Variants in PPP2R3C observed in about 807,000 individuals in gnomAD.
PPP2R3C encodes serine/threonine-protein phosphatase 2A regulatory subunit B'' subunit gamma.
A neutral mutation model predicts 63.7 loss-of-function variants in PPP2R3C; 47 were observed. That is an observed-to-expected ratio of 0.74 (90% CI 0.58 to 0.94). The LOEUF (loss-of-function observed/expected upper bound fraction) is 0.94, where lower values mean the gene tolerates loss of function less well. PPP2R3C is among the 40% of genes least tolerant of loss of function. The pLI is 0.00. For synonymous variants in PPP2R3C, 180 were observed against 177.4 expected, an observed-to-expected ratio of 1.01 and a Z score of -0.12; for missense variants, 421 against 518.4, an observed-to-expected ratio of 0.81 and a Z score of 1.82.
intron 6 of PPP2R3C, chr14:35,100,542 G>C (rs1163712861): frequency 6.6e-6 from 1 of 152,190 alleles, no homozygotes; most frequent in African/African-American, 2.4e-5. Flanking sequence ...GAGCGAAACA[G>C]CAACATTTGT....
intron 6 of PPP2R3C, among the ~76,000 whole-genome samples, chr14:35,104,106 T>C (rs187412387): frequency 8.5e-5 from 13 of 152,334 alleles, no homozygotes; most frequent in African/African-American, 3.1e-4. Context: ...TAAATCAATA[T>C]TGCTGTTTTT....
chr14:35,104,759 C>T (rs1449425109), intron 6 of PPP2R3C, among the ~76,000 whole-genome samples: 2 of 152,042 alleles, frequency 1.3e-5, no homozygotes, highest in Non-Finnish European at 2.9e-5. Flanking sequence ...TCTTTTGAGA[C>T]AGTCTTGCTC....
intron 1 of PPP2R3C, among the ~76,000 whole-genome samples, chr14:35,117,811 C>A (rs1214915049): frequency 1.3e-5 from 2 of 152,112 alleles, no homozygotes; most frequent in Non-Finnish European, 2.9e-5. Context: ...TCTCCTGCCT[C>A]AGCCTCCTGA....
At chr14:35,094,995 G>T in intron 10 of PPP2R3C, 53 bp downstream of exon 10, 2 of 1,531,114 alleles carry the variant, frequency 1.3e-6, no homozygotes, top group Non-Finnish European at 9.0e-7. Context: ...AGGGTTTGTG[G>T]AAACTCTGGG....
chr14:35,099,284 T>A lies in PPP2R3C; in HGVS notation c.674A>T (p.Lys225Met). 6.3e-7 allele frequency: 1 copy of A among 1,595,932 alleles called. No homozygotes were observed. The highest frequency in any genetic ancestry group is 8.5e-7 in the Non-Finnish European group (1 of 1,175,590). The part of the protein sequence containing the change: ...YSFYVCTAVR[K>M]FFFFLDPLRT... The stretch of plus-strand genomic sequence containing the variant: ...TAAAGGATCTAAAAAGAAGAAGAAC[T>A]TCCTAACTGCTGTACAAACATAAAA... Residue 225 changes from lysine to methionine, a missense_variant, in exon 7 of 13, where the codon AAG becomes ATG. Coordinates refer to ENST00000261475, the MANE Select transcript of PPP2R3C (RefSeq NM_017917.4).
intron 12 of PPP2R3C, chr14:35,086,224 G>GT (rs1224901592): frequency 6.5e-6 from 1 of 154,926 alleles, no homozygotes; most frequent in Non-Finnish European, 1.4e-5. Context: ...TTGAGATGGA[G>GT]TCTCACTCTG....
Position 35,119,222 on chromosome 14 carries a change from G to A in PPP2R3C, c.59-2485C>T, listed in dbSNP as rs149413961. ...CCAGCTACTTTTTGTATTTTTAGTA[G>A]AGACGGACTTTCACCATGTTGGCCA... On this transcript the variant is annotated intron_variant, in intron 1 of 12. Transcript: ENST00000261475. Among the ~76,000 whole-genome samples, 829 of 152,160 alleles carry A rather than the reference G, an allele frequency of 5.4e-3. 9 individuals are homozygous for A. Among genetic ancestry groups the A allele is most frequent in the African/African-American group, 0.019 (790 of 41,512 alleles).
intron 12 of PPP2R3C, chr14:35,087,737 A>G (rs1595070305): frequency 1.2e-5 from 6 of 514,036 alleles, no homozygotes; most frequent in Non-Finnish European, 2.1e-5. Context: ...AATGCTTCCA[A>G]TGAAAACATA....
Position 35,099,254 on chromosome 14 carries a change from G to T in PPP2R3C, c.704C>A (p.Thr235Lys). 6.3e-7 allele frequency: 1 copy of T among 1,576,056 alleles called. No individual in the cohort carries two copies. The highest frequency in any genetic ancestry group is 8.6e-7 in the Non-Finnish European group (1 of 1,167,966). Residue 235 changes from threonine to lysine, a missense_variant and splice_region_variant, in exon 7 of 13, where the codon ACA becomes AAA. Thr to Lys is a moderately conservative substitution (Grantham distance 78, BLOSUM62 -1). This residue lies in a region of PPP2R3C where 231 missense variants were observed against 264.8 expected (regional missense o/e 0.87). Coordinates refer to ENST00000261475, the MANE Select transcript of PPP2R3C (RefSeq NM_017917.4). ...AGTTAGATAAGATTTTCTTTTACCT[G>T]TTCTTAAAGGATCTAAAAAGAAGAA... is the stretch of plus-strand genomic sequence containing the variant. ...KFFFFLDPLR[T>K]GKIKIQDILA...
At chr14:35,120,930 A>G (rs1047307037) in intron 1 of PPP2R3C, among the ~76,000 whole-genome samples, 2 of 152,086 alleles carry the variant, frequency 1.3e-5, no homozygotes, top group Non-Finnish European at 2.9e-5. Context: ...TGGGCAACAC[A>G]GGGAGATCCT....
chr14:35,119,225 A>T (rs1320915128), intron 1 of PPP2R3C, among the ~76,000 whole-genome samples: 2 of 151,934 alleles, frequency 1.3e-5, no homozygotes, highest in Admixed American at 6.6e-5. Context: ...TTTAGTAGAG[A>T]CGGACTTTCA....
chr14:35,094,046 A>G (rs1379982368), intron 10 of PPP2R3C, among the ~76,000 whole-genome samples: 1 of 152,218 alleles, frequency 6.6e-6, no homozygotes, highest in African/African-American at 2.4e-5. Flanking sequence ...AGCTGTTCAT[A>G]TAGCCACTTC....
intron 6 of PPP2R3C, chr14:35,102,724 A>G (rs934751919): frequency 6.6e-6 from 1 of 152,140 alleles, no homozygotes; most frequent in Non-Finnish European, 1.5e-5. Flanking sequence ...CACCTGGACT[A>G]TCATGGTAGG....
In PPP2R3C at chr14:35,109,799, G is replaced by A; in HGVS notation, c.404+20C>T. On this transcript the variant is annotated intron_variant, in intron 4 of 12. Transcript: ENST00000261475. ...AATGCTTAACATAACACATTCTTTT[G>A]TTAATTATATTATTCTTACTTGCAC... The A allele has an allele frequency of 6.6e-7, 1 of 1,520,778 alleles. No individual in the cohort carries two copies. Among genetic ancestry groups the A allele is most frequent in the East Asian group, 2.3e-5 (1 of 44,274 alleles). 94.2% of individuals were successfully genotyped at this position (1,520,778 alleles called of 1,614,324 possible).
intron 4 of PPP2R3C, 23 bp from the exon 5 acceptor site, chr14:35,108,259 T>C: frequency 6.4e-7 from 1 of 1,556,230 alleles, no homozygotes; most frequent in Non-Finnish European, 8.6e-7. Context: ...AATAAAGATT[T>C]AAATGATCTG....
intron 11 of PPP2R3C, among the ~76,000 whole-genome samples, chr14:35,088,909 T>G (rs906197708): frequency 2.0e-5 from 3 of 152,080 alleles, no homozygotes; most frequent in Admixed American, 1.3e-4. Flanking sequence ...TTAAAACAAT[T>G]TAATATTCTA....
At chr14:35,088,094 A>G in intron 11 of PPP2R3C, 84 bp from the exon 12 acceptor site, 2 of 946,704 alleles carry the variant, frequency 2.1e-6, no homozygotes, top group African/African-American at 1.6e-5. Flanking sequence ...TTCTACTTAT[A>G]CTTCCTTTCC....
intron 6 of PPP2R3C, chr14:35,099,589 C>A: frequency 3.7e-6 from 2 of 547,244 alleles, no homozygotes; most frequent in South Asian, 2.9e-5. Context: ...CTACATAGTT[C>A]CAAATTCAAA....
chr14:35,092,078 C>A (rs2138615566), intron 10 of PPP2R3C, among the ~76,000 whole-genome samples: 1 of 150,980 alleles, frequency 6.6e-6, no homozygotes, highest in Middle Eastern at 3.6e-3. Context: ...TTTCATTATT[C>A]TTGTTTTTGA....
Sources: allele counts gnomAD v4.1 joint callset (sites outside exome capture counted in the v4.1 genomes callset), GRCh38; gene constraint gnomAD v4.1.1; regional missense constraint gnomAD v4.1.1; transcripts MANE v1.5; gene names NCBI Gene and HGNC (gene_info 2026-07-23, HGNC 2026-07-21).